ASCC1: variants seen among roughly 807,000 people sequenced by gnomAD.
The protein encoded by ASCC1 is activating signal cointegrator 1 complex subunit 1, also known as ASC-1 complex subunit P50.
ASCC1 carries 35 observed loss-of-function variants against 46.6 expected under a neutral mutation model. The observed-to-expected ratio is 0.75, with a 90% CI of 0.57 to 0.99. The LOEUF (loss-of-function observed/expected upper bound fraction) is 0.99, where lower values mean the gene tolerates loss of function less well. Ranked by LOEUF, ASCC1 falls within the 50% of genes least tolerant of loss-of-function variation. The probability of loss-of-function intolerance (pLI) is 0.00; values close to 1 mark genes in which losing one functional copy is unlikely to be tolerated. For synonymous variants in ASCC1, 143 were observed against 146.6 expected, an observed-to-expected ratio of 0.98 and a Z score of 0.18; for missense variants, 376 against 428.7, an observed-to-expected ratio of 0.88 and a Z score of 1.09.
At chr10:72,155,440 T>A (rs1002605808) in intron 6 of ASCC1, among the ~76,000 whole-genome samples, 20 of 152,102 alleles carry the variant, frequency 1.3e-4, no homozygotes, top group Non-Finnish European at 5.9e-5. Flanking sequence ...TGAGGGACCC[T>A]CATGGGGTGA....
intron 9 of ASCC1, among the ~76,000 whole-genome samples, chr10:72,101,615 G>A (rs1226148772): frequency 6.6e-6 from 1 of 152,096 alleles, no homozygotes; most frequent in Non-Finnish European, 1.5e-5. Context: ...AGGGTGTCTG[G>A]GGGACCTGAG....
At chr10:72,189,290 C>T (rs1854014104) in intron 5 of ASCC1, among the ~76,000 whole-genome samples, 2 of 151,642 alleles carry the variant, frequency 1.3e-5, no homozygotes, top group African/African-American at 4.8e-5. Context: ...CGCCTGTGGT[C>T]CCAGCTACTC....
chr10:72,173,125 G>C (rs1282476518), intron 5 of ASCC1, among the ~76,000 whole-genome samples: 1 of 150,804 alleles, frequency 6.6e-6, no homozygotes, highest in Non-Finnish European at 1.5e-5. Context: ...AATTCTAAAG[G>C]CCTGAAAGTG....
chr10:72,216,100 G>C (rs955511656), intron 1 of ASCC1, 107 bp downstream of exon 1: 1 of 152,442 alleles, frequency 6.6e-6, no homozygotes. Flanking sequence ...GGCTGGTCCT[G>C]GGGGTGGGGC....
intron 5 of ASCC1, among the ~76,000 whole-genome samples, chr10:72,186,469 G>GA (rs998082565): frequency 2.0e-5 from 3 of 152,104 alleles, no homozygotes; most frequent in African/African-American, 4.8e-5. Context: ...CAAAAGAACT[G>GA]AAAATCCCAC....
chr10:72,178,488 A>G (rs1308525118), intron 5 of ASCC1, among the ~76,000 whole-genome samples: 1 of 152,238 alleles, frequency 6.6e-6, no homozygotes, highest in East Asian at 1.9e-4. Context: ...AAGCCAGAGC[A>G]GTCACGTGTC....
chr10:72,161,424 A>G, intron 6 of ASCC1, 114 bp downstream of exon 6: 1 of 1,389,400 alleles, frequency 7.2e-7, no homozygotes, highest in Non-Finnish European at 1.0e-6. Flanking sequence ...GCTCCATCAA[A>G]TCACATGAGT....
intron 9 of ASCC1, among the ~76,000 whole-genome samples, chr10:72,106,176 T>G (rs772637923): frequency 3.9e-5 from 6 of 152,184 alleles, no homozygotes; most frequent in Non-Finnish European, 8.8e-5. Flanking sequence ...TCAATACTAC[T>G]TGAATAAGAA....
chr10:72,163,444 T>A (rs569589997), intron 5 of ASCC1, among the ~76,000 whole-genome samples: 19 of 151,870 alleles, frequency 1.3e-4, no homozygotes, highest in Non-Finnish European at 1.6e-4. Flanking sequence ...CAAAAAGGAA[T>A]GAAATTCTGG....
intron 9 of ASCC1, among the ~76,000 whole-genome samples, chr10:72,107,883 C>G (rs1371640521): frequency 6.6e-6 from 1 of 152,044 alleles, no homozygotes; most frequent in Non-Finnish European, 1.5e-5. Context: ...TATAGATTAG[C>G]CTTTTTCCTC....
At chr10:72,191,090 C>G (rs901515090) in intron 5 of ASCC1, among the ~76,000 whole-genome samples, 2 of 149,940 alleles carry the variant, frequency 1.3e-5, no homozygotes, top group Non-Finnish European at 1.5e-5. Context: ...CAGAGTCTCG[C>G]TCTGTCGCCC....
At chr10:72,197,877 G>A (rs1257932866) in intron 4 of ASCC1, among the ~76,000 whole-genome samples, 6 of 149,802 alleles carry the variant, frequency 4.0e-5, no homozygotes, top group African/African-American at 1.2e-4. Flanking sequence ...CTGCACTCCA[G>A]CATGGGCAAC....
chr10:72,149,301 G>A (rs1054919050), intron 7 of ASCC1, among the ~76,000 whole-genome samples: 7 of 151,992 alleles, frequency 4.6e-5, no homozygotes, highest in Non-Finnish European at 8.8e-5. Context: ...AGCCAGGCGT[G>A]GTGGCGGGTG....
At chr10:72,146,047 C>T (rs943648153) in intron 7 of ASCC1, among the ~76,000 whole-genome samples, 1 of 152,144 alleles carries the variant, frequency 6.6e-6, no homozygotes, top group Non-Finnish European at 1.5e-5. Flanking sequence ...GCTATTTATT[C>T]CCATTTCCTA....
intron 3 of ASCC1, chr10:72,204,441 T>C: frequency 6.4e-7 from 1 of 1,550,438 alleles, no homozygotes; most frequent in Non-Finnish European, 8.7e-7. Flanking sequence ...CAAGTATAAA[T>C]ATTCTGACAA....
chr10:72,135,259 C>T (rs1019683588), intron 7 of ASCC1, among the ~76,000 whole-genome samples: 2 of 152,094 alleles, frequency 1.3e-5, no homozygotes, highest in African/African-American at 4.8e-5. Flanking sequence ...AGCTCACATT[C>T]AGGTAGGAGG....
intron 7 of ASCC1, among the ~76,000 whole-genome samples, chr10:72,149,983 C>T (rs1326152190): frequency 1.3e-5 from 2 of 151,884 alleles, no homozygotes; most frequent in Admixed American, 6.6e-5. Context: ...GTCAGGGGTT[C>T]GAGACCAGCC....
At position 72,197,381 on chromosome 10, in the gene ASCC1, T is replaced by A. The variant is rs9733394; in HGVS notation, c.311-392A>T. Among the ~76,000 whole-genome samples, 1,107 of 138,068 alleles carry A rather than the reference T, an allele frequency of 8.0e-3. 10 individuals carry two copies. The highest frequency in any genetic ancestry group is 0.029 in the African/African-American group (1,046 of 36,296). 90.6% of individuals were successfully genotyped at this position (138,068 alleles called of 152,430 possible). A position where few individuals can be genotyped will look rare whatever the true frequency, so the allele number is the denominator to read the frequency against. ...GCTACTCGGAAGGCTAAGGCACGGA[T>A]GGAGGGAACCCAGGAGGTGGAGCTT... On this transcript the variant is annotated intron_variant, in intron 4 of 9. Transcript: ENST00000672957.
chr10:72,187,439 G>A (rs992874003), intron 5 of ASCC1, among the ~76,000 whole-genome samples: 6 of 151,692 alleles, frequency 4.0e-5, no homozygotes, highest in Admixed American at 1.3e-4. Context: ...CCTTCTCTTA[G>A]GCCGGGCGCG....
Sources: gnomAD v4.1 joint callset for allele counts (sites outside exome capture counted in the v4.1 genomes callset) on GRCh38, gnomAD v4.1.1 for gene constraint, MANE v1.5 for transcripts, NCBI Gene and HGNC (gene_info 2026-07-23, HGNC 2026-07-21) for gene names.